VPS35L: variants seen among roughly 807,000 people sequenced by gnomAD.
VPS35L encodes VPS35 endosomal protein sorting factor like.
VPS35L carries 83 observed loss-of-function variants against 133.0 expected under a neutral mutation model. The ratio of observed to expected loss-of-function variants is 0.62; its 90% CI spans 0.52 to 0.75. The LOEUF (loss-of-function observed/expected upper bound fraction) is 0.75. Among genes scored for constraint, VPS35L ranks in the 30% least tolerant of loss-of-function variants. The pLI, the probability that VPS35L is intolerant of heterozygous loss-of-function variation, is 0.00. For synonymous variants in VPS35L, 423 were observed against 449.9 expected (o/e 0.94, Z 0.76); for missense variants, 1,083 against 1,206.8 (o/e 0.90, Z 1.52).
chr16:19,582,537 G>T (rs1163426179), intron 7 of VPS35L, among the ~76,000 whole-genome samples: 1 of 152,084 alleles, frequency 6.6e-6, no homozygotes, highest in Non-Finnish European at 1.5e-5. Context: ...GCAAACCCAC[G>T]CCCGTTTCTC....
intron 27 of VPS35L, among the ~76,000 whole-genome samples, chr16:19,671,240 G>A (rs1974861494): frequency 6.6e-6 from 1 of 151,966 alleles, no homozygotes; most frequent in Admixed American, 6.6e-5. Flanking sequence ...AGGCGGAGGT[G>A]GACAGATCAC....
chr16:19,596,218 T>C (rs1246862625), intron 8 of VPS35L, among the ~76,000 whole-genome samples: 1 of 152,136 alleles, frequency 6.6e-6, no homozygotes, highest in Admixed American at 6.5e-5. Flanking sequence ...CAACTAGCTC[T>C]CTGCAGTCAA....
chr16:19,697,066 C>A (rs965625475), intron 29 of VPS35L, among the ~76,000 whole-genome samples: 1 of 152,146 alleles, frequency 6.6e-6, no homozygotes, highest in South Asian at 2.1e-4. Flanking sequence ...AGCAGGTGGT[C>A]GCCAGCCAGT....
chr16:19,615,610 A>G lies in VPS35L; in HGVS notation c.1024-504A>G, dbSNP rs570114423. Among the ~76,000 whole-genome samples, 9 of 151,054 alleles carry G rather than the reference A, an allele frequency of 6.0e-5. No individual in the cohort carries two copies. In the East Asian group the frequency reaches 1.4e-3, roughly 23 times the overall value. On this transcript the variant is annotated intron_variant, in intron 12 of 30. Coordinates refer to ENST00000417362, the MANE Select transcript of VPS35L (RefSeq NM_020314.7). Reference sequence around the variant, plus strand: ...GGTTGCAGTGAGCCAAGATCGTGCCACTGCACTCCACCCTGGGCAACAGAG... The same window carrying G: ...GGTTGCAGTGAGCCAAGATCGTGCCGCTGCACTCCACCCTGGGCAACAGAG...
At chr16:19,611,365 CT>C (rs528156536) in intron 12 of VPS35L, among the ~76,000 whole-genome samples, 13 of 152,294 alleles carry the variant, frequency 8.5e-5, no homozygotes, top group African/African-American at 2.9e-4. Flanking sequence ...AGGACTCCCC[CT>C]AGCAACGAGA....
At chr16:19,658,546 A>G (rs1974377573) in intron 26 of VPS35L, among the ~76,000 whole-genome samples, 1 of 152,152 alleles carries the variant, frequency 6.6e-6, no homozygotes, top group Non-Finnish European at 1.5e-5. Context: ...AACAAGAAAA[A>G]GAGACGACAG....
Position 19,652,068 on chromosome 16 carries a change from G to A in VPS35L, c.2199G>A (p.Leu733=). ...NLYLHSGQVA[L]ANQCLSQADA... Reference sequence around the variant, plus strand: ...ACCTGCATTCTGGTCAGGTGGCCTTGGCCAACCAGTGCCTCTCCCAAGGTA... The same window carrying A: ...ACCTGCATTCTGGTCAGGTGGCCTTAGCCAACCAGTGCCTCTCCCAAGGTA... Residue 733 remains leucine, a synonymous_variant, in exon 26 of 31, where the codon TTG becomes TTA. Transcript: ENST00000417362. The A allele has an allele frequency of 6.2e-7, 1 of 1,606,330 alleles. No homozygotes were observed. The highest frequency in any genetic ancestry group is 2.2e-5 in the East Asian group (1 of 44,746).
At chr16:19,570,858 T>TC (rs1971346777) in intron 3 of VPS35L, among the ~76,000 whole-genome samples, 2 of 56,236 alleles carry the variant, frequency 3.6e-5, no homozygotes, top group African/African-American at 2.6e-4. Context: ...TATATATATA[T>TC]ATATATATAT....
intron 9 of VPS35L, among the ~76,000 whole-genome samples, chr16:19,605,243 A>G (rs1972504748): frequency 6.6e-6 from 1 of 152,202 alleles, no homozygotes; most frequent in South Asian, 2.1e-4. Context: ...ACAGAAGTTC[A>G]GGTTTGAAAA....
intron 28 of VPS35L, among the ~76,000 whole-genome samples, chr16:19,684,136 A>G (rs114415764): frequency 6.6e-6 from 1 of 152,126 alleles, no homozygotes; most frequent in Non-Finnish European, 1.5e-5. Flanking sequence ...TGGAGGAAGG[A>G]GGTGGCCTTG....
At chr16:19,588,890 G>A in intron 7 of VPS35L, among the ~76,000 whole-genome samples, 1 of 152,176 alleles carries the variant, frequency 6.6e-6, no homozygotes, top group Non-Finnish European at 1.5e-5. Context: ...GCATACGCTT[G>A]TAGTAGTATG....
At chr16:19,684,785 A>G (rs904132980) in intron 28 of VPS35L, among the ~76,000 whole-genome samples, 3 of 152,244 alleles carry the variant, frequency 2.0e-5, no homozygotes, top group Admixed American at 1.3e-4. Flanking sequence ...GGCTGGGCAC[A>G]GTGGCTTGTG....
intron 5 of VPS35L, among the ~76,000 whole-genome samples, chr16:19,575,611 C>T (rs560708468): frequency 6.6e-6 from 1 of 151,280 alleles, no homozygotes; most frequent in Non-Finnish European, 1.5e-5. Flanking sequence ...CTGTGTAATC[C>T]CAGCACTTTG....
intron 8 of VPS35L, among the ~76,000 whole-genome samples, chr16:19,592,488 G>A (rs913457074): frequency 2.6e-4 from 39 of 152,036 alleles, no homozygotes; most frequent in African/African-American, 9.4e-4. Context: ...ACCTGAAACT[G>A]AACTTGGCAT....
At chr16:19,643,991 G>A (rs1461015016) in intron 22 of VPS35L, among the ~76,000 whole-genome samples, 1 of 151,826 alleles carries the variant, frequency 6.6e-6, no homozygotes, top group African/African-American at 2.4e-5. Flanking sequence ...AGAACGAAGT[G>A]GGCATTTGTA....
chr16:19,593,849 G>A (rs373494648), intron 8 of VPS35L, among the ~76,000 whole-genome samples: 8 of 151,980 alleles, frequency 5.3e-5, no homozygotes, highest in African/African-American at 1.9e-4. Flanking sequence ...CCCAGGAGGT[G>A]GAGATTGCAG....
intron 19 of VPS35L, among the ~76,000 whole-genome samples, chr16:19,635,455 A>C: frequency 6.6e-6 from 1 of 152,234 alleles, no homozygotes; most frequent in East Asian, 1.9e-4. Flanking sequence ...CTTGTGAACT[A>C]ACACAGACTA....
At chr16:19,674,977 A>G (rs1975014403) in intron 27 of VPS35L, among the ~76,000 whole-genome samples, 1 of 144,534 alleles carries the variant, frequency 6.9e-6, no homozygotes, top group African/African-American at 2.6e-5. Context: ...TTGAGACAGG[A>G]TCTCACTCTG....
intron 26 of VPS35L, among the ~76,000 whole-genome samples, chr16:19,658,389 CA>C (rs1305901730): frequency 6.6e-6 from 1 of 151,998 alleles, no homozygotes; most frequent in Non-Finnish European, 1.5e-5. Flanking sequence ...AATTAGCCGG[CA>C]GTAGTGGTGT....
Sources: gnomAD v4.1 joint callset for allele counts (sites outside exome capture counted in the v4.1 genomes callset) on GRCh38, gnomAD v4.1.1 for gene constraint, MANE v1.5 for transcripts, NCBI Gene and HGNC (gene_info 2026-07-23, HGNC 2026-07-21) for gene names.